The following NAV2 variants were observed in gnomAD, a reference collection of about 807,000 sequenced individuals.
NAV2 encodes the protein helicase, APC down-regulated 1.
A neutral mutation model predicts 223.2 loss-of-function variants in NAV2; 54 were observed. The ratio of observed to expected loss-of-function variants is 0.24; its 90% CI spans 0.19 to 0.30. The LOEUF is 0.30. Among genes scored for constraint, NAV2 ranks in the 10% least tolerant of loss-of-function variants. NAV2 has a pLI of 1.00. For synonymous variants in NAV2, 1,279 were observed against 1,239.3 expected (o/e 1.03, Z -0.67); for missense variants, 2,806 against 3,147.5 (o/e 0.89, Z 2.60).
At chr11:19,747,078 A>G (rs143315117) in intron 1 of NAV2, among the ~76,000 whole-genome samples, 13,437 of 66,320 alleles carry the variant, frequency 0.2, 1,059 homozygotes, top group Middle Eastern at 0.31. Flanking sequence ...AGTGTGTGAC[A>G]TTCCCCTTCC....
At chr11:19,710,190 G>A (rs1251652870), upstream of NAV2, among the ~76,000 whole-genome samples, 2 of 152,102 alleles carry the variant, frequency 1.3e-5, no homozygotes, top group Non-Finnish European at 2.9e-5. Context: ...AAGTGATCAG[G>A]CGGCTATTTC....
At chr11:19,397,418 T>TGTGTGTGTGTGCAC (rs57566081) in intron 1 of NAV2, among the ~76,000 whole-genome samples, 12 of 145,356 alleles carry the variant, frequency 8.3e-5, no homozygotes, top group African/African-American at 3.1e-4. Context: ...TGTGTGTGTG[T>TGTGTGTGTGTGCAC]GCGCGCATGT....
intron 1 of NAV2, among the ~76,000 whole-genome samples, chr11:19,576,465 A>C (rs1320060456): frequency 6.6e-6 from 1 of 152,240 alleles, no homozygotes; most frequent in Non-Finnish European, 1.5e-5. Flanking sequence ...GAGAAATACA[A>C]ATCACCCATA....
intron 6 of NAV2, among the ~76,000 whole-genome samples, chr11:19,896,215 C>A (rs1008462350): frequency 1.1e-4 from 16 of 152,142 alleles, no homozygotes; most frequent in Non-Finnish European, 8.8e-5. Context: ...CCCTCTTCAC[C>A]ATTTTAATCA....
rs1360279066 is a variant in NAV2, at chr11:19,979,551, G to A, written c.2646-4574G>A. Among the ~76,000 whole-genome samples the A allele has an allele frequency of 3.9e-5, 6 of 152,138 alleles. 1 individual carries two copies. The Middle Eastern group carries it at 0.01, about 259-fold the overall frequency. On this transcript the variant is annotated intron_variant, in intron 10 of 37. Transcript: ENST00000349880. The stretch of plus-strand genomic sequence containing the variant: ...TGGCAAACTCCTCCGCACCCTTTAG[G>A]GCCAACTTAAACAGCACTCCTCTGC...
chr11:19,676,874 TG>T (rs1321528988), intron 1 of NAV2, among the ~76,000 whole-genome samples: 1 of 152,146 alleles, frequency 6.6e-6, no homozygotes, highest in Non-Finnish European at 1.5e-5. Flanking sequence ...AAGTAGCATT[TG>T]GTTGGGTCTG....
chr11:19,838,226 T>G (rs1386633675), intron 2 of NAV2, among the ~76,000 whole-genome samples: 5 of 152,230 alleles, frequency 3.3e-5, no homozygotes, highest in Non-Finnish European at 7.3e-5. Flanking sequence ...ACAGCCGCTT[T>G]CTAGGCCCAG....
intron 1 of NAV2, among the ~76,000 whole-genome samples, chr11:19,766,987 C>T (rs1365273819): frequency 6.6e-6 from 1 of 152,170 alleles, no homozygotes; most frequent in Admixed American, 6.5e-5. Context: ...AGTTTTGGCT[C>T]ATAGTCAGAC....
intron 3 of NAV2, among the ~76,000 whole-genome samples, chr11:19,848,684 G>A (rs1465552264): frequency 6.6e-6 from 1 of 152,190 alleles, no homozygotes; most frequent in East Asian, 1.9e-4. Flanking sequence ...CACGTTGCTG[G>A]CCACAGAGTT....
At chr11:20,115,367 G>T (rs559770380) in intron 37 of NAV2, among the ~76,000 whole-genome samples, 21 of 152,100 alleles carry the variant, frequency 1.4e-4, no homozygotes, top group Non-Finnish European at 2.6e-4. Context: ...GGCTGGGGTG[G>T]CTCACACCTG....
At chr11:19,609,426 G>A (rs1430106354) in intron 1 of NAV2, among the ~76,000 whole-genome samples, 1 of 152,168 alleles carries the variant, frequency 6.6e-6, no homozygotes, top group African/African-American at 2.4e-5. Flanking sequence ...AACACCTTCT[G>A]CAGAGGGGAG....
upstream of NAV2, among the ~76,000 whole-genome samples, chr11:19,349,183 A>G (rs542199092): frequency 6.6e-6 from 1 of 152,214 alleles, no homozygotes; most frequent in Non-Finnish European, 1.5e-5. Context: ...AATTCAGAAC[A>G]TCTGTGACTT....
At chr11:19,649,877 C>T (rs143201572) in intron 1 of NAV2, among the ~76,000 whole-genome samples, 250 of 152,192 alleles carry the variant, frequency 1.6e-3, no homozygotes, top group Non-Finnish European at 3.2e-3. Context: ...GCAAAGAAAA[C>T]GATAGTGAGA....
intron 6 of NAV2, among the ~76,000 whole-genome samples, chr11:19,920,568 T>C (rs934524073): frequency 6.6e-6 from 1 of 152,218 alleles, no homozygotes. Flanking sequence ...ATTACAGGCA[T>C]GAGTCACCGA....
intron 1 of NAV2, among the ~76,000 whole-genome samples, chr11:19,508,880 G>A (rs543806812): frequency 2.0e-5 from 3 of 152,300 alleles, no homozygotes; most frequent in Non-Finnish European, 4.4e-5. Flanking sequence ...TTTGCAAGGT[G>A]AGCCCTTCAT....
chr11:19,789,160 C>A (rs1413649259), intron 1 of NAV2, among the ~76,000 whole-genome samples: 1 of 152,102 alleles, frequency 6.6e-6, no homozygotes, highest in Non-Finnish European at 1.5e-5. Context: ...AATTGCAGAC[C>A]TCTGGAATTA....
chr11:20,095,325 T>C (rs1474768949), intron 29 of NAV2, among the ~76,000 whole-genome samples: 1 of 152,188 alleles, frequency 6.6e-6, no homozygotes, highest in African/African-American at 2.4e-5. Context: ...GAGGTGAGTT[T>C]ATAAGCAAGG....
chr11:20,074,207 G>C (rs1159001007), intron 22 of NAV2, among the ~76,000 whole-genome samples: 1 of 152,146 alleles, frequency 6.6e-6, no homozygotes, highest in East Asian at 1.9e-4. Context: ...AGTCATTCAG[G>C]AGCAGGTTGT....
At chr11:19,482,431 G>A (rs527262607) in intron 1 of NAV2, among the ~76,000 whole-genome samples, 6 of 152,300 alleles carry the variant, frequency 3.9e-5, no homozygotes, top group Admixed American at 6.5e-5. Context: ...ATAGGACCCC[G>A]GGGTTATTGT....
Sources: allele counts gnomAD v4.1 joint callset (sites outside exome capture counted in the v4.1 genomes callset), GRCh38; gene constraint gnomAD v4.1.1; transcripts MANE v1.5; gene names NCBI Gene and HGNC (gene_info 2026-07-23, HGNC 2026-07-21).